The following MED12L variants were observed in gnomAD, a reference collection of about 807,000 sequenced individuals.
MED12L encodes mediator complex subunit 12L, also known as mediator of RNA polymerase II transcription subunit 12-like protein.
A neutral mutation model predicts 281.3 loss-of-function variants in MED12L; 60 were observed. The observed-to-expected ratio is 0.21, with a 90% CI of 0.17 to 0.26. The LOEUF (loss-of-function observed/expected upper bound fraction) is 0.26, where lower values mean the gene tolerates loss of function less well. Ranked by LOEUF, MED12L falls within the 10% of genes least tolerant of loss-of-function variation. The probability of loss-of-function intolerance (pLI) is 1.00; values close to 1 mark genes in which losing one functional copy is unlikely to be tolerated. For synonymous variants in MED12L, 974 were observed against 987.2 expected, an observed-to-expected ratio of 0.99 and a Z score of 0.25; for missense variants, 2,146 against 2,680.9, an observed-to-expected ratio of 0.80 and a Z score of 4.41.
chr3:151,254,977 C>G (rs562236096), intron 16 of MED12L, among the ~76,000 whole-genome samples: 93 of 152,102 alleles, frequency 6.1e-4, no homozygotes, highest in African/African-American at 2.2e-3. Context: ...CCTTGCTGCT[C>G]TTTTTTTTGT....
At chr3:151,213,482 A>G in intron 16 of MED12L, 5 of 1,614,196 alleles carry the variant, frequency 3.1e-6, no homozygotes, top group Non-Finnish European at 4.2e-6. Flanking sequence ...AGCAGAGTGA[A>G]TTCTTTCATA....
intron 16 of MED12L, among the ~76,000 whole-genome samples, chr3:151,309,139 A>G (rs5000881): frequency 0.041 from 3,982 of 96,394 alleles, 166 homozygotes; most frequent in African/African-American, 0.16. Flanking sequence ...ACACACACAC[A>G]CGCACACACA....
At chr3:151,166,287 A>G (rs1720702589) in intron 11 of MED12L, among the ~76,000 whole-genome samples, 1 of 152,140 alleles carries the variant, frequency 6.6e-6, no homozygotes, top group African/African-American at 2.4e-5. Context: ...TGGACTTAAT[A>G]TGGTGGGTTG....
intron 26 of MED12L, 48 bp from the exon 27 acceptor site, chr3:151,372,519 C>A (rs1349547380): frequency 1.4e-6 from 2 of 1,400,934 alleles, no homozygotes; most frequent in Non-Finnish European, 1.0e-6. Context: ...AATTATTTGG[C>A]AATATTTTGA....
chr3:151,327,865 C>G, intron 16 of MED12L: 1 of 680,754 alleles, frequency 1.5e-6, no homozygotes, highest in Non-Finnish European at 2.4e-6. Flanking sequence ...ATAATCTTTT[C>G]TGTACACGAG....
Position 151,086,866 on chromosome 3 carries a change from G to A in MED12L, c.-61G>A. The A allele has an allele frequency of 7.3e-7, 1 of 1,372,608 alleles. No individual in the cohort carries two copies. The highest frequency in any genetic ancestry group is 1.0e-6 in the Non-Finnish European group (1 of 998,620). The allele number at this position is 1,372,608 out of a possible 1,614,324, so 85.0% of individuals were successfully genotyped here. On this transcript the variant is annotated 5_prime_UTR_variant, in exon 2 of 45. Coordinates refer to ENST00000687756, the MANE Select transcript of MED12L (RefSeq NM_001393769.1). ...TGTCTGCAAAGTGCTGCTCCCTGGT[G>A]CTCAGAGGCGGCTGCTCCAGCTCCA...
At chr3:151,347,921 C>A (rs1257317400) in intron 16 of MED12L, among the ~76,000 whole-genome samples, 1 of 152,006 alleles carries the variant, frequency 6.6e-6, no homozygotes, top group African/African-American at 2.4e-5. Context: ...GCTCTCTTAC[C>A]CCAAGCTTGG....
At chr3:151,303,081 G>T (rs1560004296) in intron 16 of MED12L, among the ~76,000 whole-genome samples, 1 of 152,268 alleles carries the variant, frequency 6.6e-6, no homozygotes, top group East Asian at 1.9e-4. Flanking sequence ...AGGTATAATA[G>T]TCTACTGAGG....
At chr3:151,177,342 TG>T (rs60840780) in intron 11 of MED12L, among the ~76,000 whole-genome samples, 6,007 of 152,290 alleles carry the variant, frequency 0.039, 388 homozygotes, top group African/African-American at 0.14. Context: ...GCAGAATGTA[TG>T]GGGGCTTTGG....
In MED12L at chr3:151,328,275, C is replaced by T. The variant is rs377720689; in HGVS notation, c.2251-21784C>T. 78 of 1,613,956 alleles carry T rather than the reference C, an allele frequency of 4.8e-5. No homozygotes were observed. The African/African-American group carries it at 5.3e-4, about 11-fold the overall frequency. On this transcript the variant is annotated intron_variant, in intron 16 of 44. Transcript: ENST00000687756. Reference sequence around the variant, plus strand: ...GCAAAACACACAAAGAAGACAGCCACGACAACAAATACTTTGCCTTCCAGC... The same window carrying T: ...GCAAAACACACAAAGAAGACAGCCATGACAACAAATACTTTGCCTTCCAGC...
chr3:151,235,194 G>C (rs1732482666), intron 16 of MED12L, among the ~76,000 whole-genome samples: 2 of 152,108 alleles, frequency 1.3e-5, no homozygotes, highest in South Asian at 4.1e-4. Flanking sequence ...TGAGCTTTTT[G>C]GTCATCTAAT....
At chr3:151,298,555 C>T (rs1046866827) in intron 16 of MED12L, among the ~76,000 whole-genome samples, 4 of 152,218 alleles carry the variant, frequency 2.6e-5, no homozygotes, top group Non-Finnish European at 5.9e-5. Flanking sequence ...TTGGTATTCT[C>T]TCTGACTCTC....
intron 5 of MED12L, among the ~76,000 whole-genome samples, chr3:151,129,026 A>G (rs1379062514): frequency 6.6e-6 from 1 of 152,250 alleles, no homozygotes; most frequent in Admixed American, 6.5e-5. Context: ...TAAACCAGAA[A>G]TGTACATAAA....
chr3:151,159,789 C>T (rs745648779), intron 7 of MED12L, 43 bp from the exon 8 acceptor site: 32 of 1,551,428 alleles, frequency 2.1e-5, no homozygotes, highest in Middle Eastern at 1.7e-4. Flanking sequence ...TTAACCAAGA[C>T]GCATAAGACA....
intron 31 of MED12L, among the ~76,000 whole-genome samples, chr3:151,379,692 A>C (rs542787728): frequency 6.6e-6 from 1 of 152,348 alleles, no homozygotes; most frequent in South Asian, 2.1e-4. Flanking sequence ...ACAGACATAT[A>C]TATAGGCCTG....
chr3:151,363,375 A>T (rs569614841), intron 21 of MED12L, among the ~76,000 whole-genome samples: 13 of 152,306 alleles, frequency 8.5e-5, no homozygotes, highest in Admixed American at 5.9e-4. Flanking sequence ...ACCACCATTC[A>T]TAAAGTTGTG....
At chr3:151,382,634 G>A (rs759278530) in intron 32 of MED12L, 22 bp from the exon 33 acceptor site, 3 of 1,574,990 alleles carry the variant, frequency 1.9e-6, no homozygotes, top group Non-Finnish European at 2.6e-6. Flanking sequence ...ACTTTAATGG[G>A]GAGTTTTTTT....
At chr3:151,382,223 C>G (rs951630895) in intron 32 of MED12L, among the ~76,000 whole-genome samples, 1 of 152,024 alleles carries the variant, frequency 6.6e-6, no homozygotes, top group Non-Finnish European at 1.5e-5. Flanking sequence ...GATAGCAGAC[C>G]TTCTCTTCTA....
At chr3:151,106,245 T>G (rs1722007180) in intron 2 of MED12L, among the ~76,000 whole-genome samples, 1 of 150,192 alleles carries the variant, frequency 6.7e-6, no homozygotes. Context: ...TCCTTTCCTT[T>G]CCTTTCCTTT....
Sources: allele counts gnomAD v4.1 joint callset (sites outside exome capture counted in the v4.1 genomes callset), GRCh38; gene constraint gnomAD v4.1.1; transcripts MANE v1.5; gene names NCBI Gene and HGNC (gene_info 2026-07-23, HGNC 2026-07-21).